PRTG: variants seen among roughly 807,000 people sequenced by gnomAD.
The protein encoded by PRTG is immunoglobulin superfamily, DCC subclass, member 5.
PRTG carries 67 observed loss-of-function variants against 122.5 expected under a neutral mutation model. That is an observed-to-expected ratio of 0.55 (90% CI 0.45 to 0.67). The LOEUF (loss-of-function observed/expected upper bound fraction) is 0.67. Among genes scored for constraint, PRTG ranks in the 30% least tolerant of loss-of-function variants. The pLI is 0.00. For missense variants in PRTG, 1,435 were observed against 1,415.4 expected (o/e 1.01, Z -0.22); for synonymous variants, 554 against 501.1 (o/e 1.11, Z -1.41).
At chr15:55,667,976 A>G (rs1638745221) in intron 11 of PRTG, among the ~76,000 whole-genome samples, 1 of 152,152 alleles carries the variant, frequency 6.6e-6, no homozygotes, top group African/African-American at 2.4e-5. Context: ...GGTCCCAGCC[A>G]CTCAGGACCC....
chr15:55,691,933 C>A (rs1305224428), intron 2 of PRTG, among the ~76,000 whole-genome samples: 1 of 151,330 alleles, frequency 6.6e-6, no homozygotes, highest in South Asian at 2.1e-4. Flanking sequence ...GCTACTCAGG[C>A]AGCTGAGGTG....
At chr15:55,639,921 A>G (rs1177289419) in intron 12 of PRTG, 93 bp from the exon 13 acceptor site, 1 of 1,506,468 alleles carries the variant, frequency 6.6e-7, no homozygotes, top group Admixed American at 2.2e-5. Flanking sequence ...CCACCCTATA[A>G]GTTGATTTTA....
intron 11 of PRTG, among the ~76,000 whole-genome samples, chr15:55,659,603 G>C (rs747521655): frequency 6.6e-6 from 1 of 151,956 alleles, no homozygotes; most frequent in Non-Finnish European, 1.5e-5. Flanking sequence ...TCCTTCTCTA[G>C]ACTATAAAGC....
At chr15:55,659,703 ACTGC>A (rs956681570) in intron 11 of PRTG, among the ~76,000 whole-genome samples, 1 of 152,130 alleles carries the variant, frequency 6.6e-6, no homozygotes, top group Admixed American at 6.6e-5. Flanking sequence ...AGGCGGACGG[ACTGC>A]CTGAGCTCAG....
chr15:55,672,572 C>T lies in PRTG; in HGVS notation c.1914G>A (p.Trp638Ter), dbSNP rs1350188984. The T allele has an allele frequency of 6.2e-7, 1 of 1,614,076 alleles. No individual in the cohort carries two copies. The highest frequency in any genetic ancestry group is 1.7e-5 in the Admixed American group (1 of 60,016). ...CAGCTGTGTCCTCTACATCTTGCTG[C>T]CACCTCACAGAAATGGTGGTACAGT... is the stretch of plus-strand genomic sequence containing the variant. ...PLNCTTISVR[W>*]QQDVEDTAAI... The change falls in exon 11 of 20, where the codon TGG becomes TGA. Residue 638 changes from tryptophan to a stop codon, truncating the protein, a stop_gained. Coordinates refer to ENST00000389286, the MANE Select transcript of PRTG (RefSeq NM_173814.6). LOFTEE classifies it high-confidence loss of function.
chr15:55,678,064 T>C lies in PRTG; in HGVS notation c.1134-20A>G. ...AATTTACTAGGGAAAGAAAAAAAAT[T>C]ATTTCCATGAAAAATTCTAAGAATG... On this transcript the variant is annotated intron_variant, in intron 7 of 19. Coordinates refer to ENST00000389286, the MANE Select transcript of PRTG (RefSeq NM_173814.6). 1 of 1,462,034 alleles carries C rather than the reference T, an allele frequency of 6.8e-7. No individual in the cohort carries two copies. Among genetic ancestry groups the C allele is most frequent in the Non-Finnish European group, 9.4e-7 (1 of 1,061,620 alleles). The allele number at this position is 1,462,034 out of a possible 1,614,324, so 90.6% of individuals were successfully genotyped here.
chr15:55,668,386 A>C (rs1041322969), intron 11 of PRTG, among the ~76,000 whole-genome samples: 1 of 152,236 alleles, frequency 6.6e-6, no homozygotes, highest in Non-Finnish European at 1.5e-5. Context: ...TAACTTCAGA[A>C]TTTAAAGCCA....
chr15:55,666,352 T>A (rs1595632130), intron 11 of PRTG, among the ~76,000 whole-genome samples: 1 of 152,340 alleles, frequency 6.6e-6, no homozygotes, highest in Middle Eastern at 3.4e-3. Context: ...ATAGGCTCTA[T>A]CTCCAAACAG....
At chr15:55,690,704 G>A (rs976415975) in intron 2 of PRTG, among the ~76,000 whole-genome samples, 1 of 152,124 alleles carries the variant, frequency 6.6e-6, no homozygotes, top group Non-Finnish European at 1.5e-5. Context: ...TTTCAGATAA[G>A]GAATAATCAA....
intron 2 of PRTG, among the ~76,000 whole-genome samples, chr15:55,737,783 T>C (rs1165768112): frequency 6.6e-6 from 1 of 151,824 alleles, no homozygotes; most frequent in Non-Finnish European, 1.5e-5. Context: ...ATCTAAAACT[T>C]GCACAGATTG....
At chr15:55,644,813 T>C (rs2059311411) in intron 11 of PRTG, among the ~76,000 whole-genome samples, 1 of 152,118 alleles carries the variant, frequency 6.6e-6, no homozygotes, top group African/African-American at 2.4e-5. Flanking sequence ...GAAATTATTT[T>C]ACTAGAAAAA....
chr15:55,681,208 TTATTTA>T (rs1168964100), intron 4 of PRTG: 3 of 152,108 alleles, frequency 2.0e-5, no homozygotes, highest in African/African-American at 7.2e-5. Flanking sequence ...AAACATTCAT[TTATTTA>T]TATAATTATC....
At chr15:55,666,703 G>C (rs939597757) in intron 11 of PRTG, among the ~76,000 whole-genome samples, 2 of 152,076 alleles carry the variant, frequency 1.3e-5, no homozygotes, top group Non-Finnish European at 2.9e-5. Context: ...TTAAATACAG[G>C]CTCAATTTCT....
intron 16 of PRTG, among the ~76,000 whole-genome samples, chr15:55,628,386 G>GAAAA (rs35201571): frequency 7.0e-6 from 1 of 142,702 alleles, no homozygotes; most frequent in Non-Finnish European, 1.5e-5. Flanking sequence ...GACAGAGAGG[G>GAAAA]AAAAAAAAAA....
intron 11 of PRTG, among the ~76,000 whole-genome samples, chr15:55,667,875 C>T (rs1334689320): frequency 1.3e-5 from 2 of 152,102 alleles, no homozygotes; most frequent in African/African-American, 2.4e-5. Context: ...GGCTTGAGTC[C>T]AGGAGTTCAA....
chr15:55,669,618 T>C (rs765142934), intron 11 of PRTG, among the ~76,000 whole-genome samples: 6 of 152,184 alleles, frequency 3.9e-5, no homozygotes, highest in African/African-American at 7.2e-5. Flanking sequence ...ACTGACCTTC[T>C]AGGAAAGTAA....
chr15:55,661,580 TTTC>T (rs771526445), intron 11 of PRTG, among the ~76,000 whole-genome samples: 4 of 152,186 alleles, frequency 2.6e-5, no homozygotes, highest in Non-Finnish European at 5.9e-5. Context: ...TTCTTTACTC[TTTC>T]TTTTCTTTTT....
intron 11 of PRTG, among the ~76,000 whole-genome samples, chr15:55,660,706 G>A (rs2059405136): frequency 6.6e-6 from 1 of 151,982 alleles, no homozygotes; most frequent in Non-Finnish European, 1.5e-5. Context: ...TAAGACCAAG[G>A]AAACTTTTAT....
chr15:55,696,608 G>T (rs1194455960), intron 2 of PRTG, among the ~76,000 whole-genome samples: 1 of 152,084 alleles, frequency 6.6e-6, no homozygotes, highest in Non-Finnish European at 1.5e-5. Context: ...CTTAAGACTA[G>T]GCAAGAAGCT....
Sources: allele counts gnomAD v4.1 joint callset (sites outside exome capture counted in the v4.1 genomes callset), GRCh38; gene constraint gnomAD v4.1.1; transcripts MANE v1.5; gene names NCBI Gene and HGNC (gene_info 2026-07-23, HGNC 2026-07-21).